MAGI1: variants seen among roughly 807,000 people sequenced by gnomAD.
MAGI1 encodes the protein membrane-associated guanylate kinase, WW and PDZ domain-containing protein 1.
A neutral mutation model predicts 139.9 loss-of-function variants in MAGI1; 58 were observed. The observed-to-expected ratio is 0.41, with a 90% CI of 0.34 to 0.52. The LOEUF (loss-of-function observed/expected upper bound fraction) is 0.52, where lower values mean the gene tolerates loss of function less well. MAGI1 is among the 20% of genes least tolerant of loss of function. The probability of loss-of-function intolerance (pLI) is 0.12; values close to 1 mark genes in which losing one functional copy is unlikely to be tolerated. For synonymous variants in MAGI1, 812 were observed against 737.9 expected (o/e 1.10, Z -1.63); for missense variants, 1,874 against 1,901.6 (o/e 0.99, Z 0.27).
chr3:65,610,777 C>G (rs1191034071), intron 2 of MAGI1, among the ~76,000 whole-genome samples: 3 of 68,980 alleles, frequency 4.3e-5, no homozygotes. Flanking sequence ...TATATATATA[C>G]TGTATATAGT....
intron 2 of MAGI1, among the ~76,000 whole-genome samples, chr3:65,533,313 C>T (rs773831136): frequency 7.2e-5 from 11 of 152,060 alleles, no homozygotes; most frequent in Non-Finnish European, 1.6e-4. Flanking sequence ...GGTCACTGAC[C>T]CCAGGGGCTT....
intron 1 of MAGI1, among the ~76,000 whole-genome samples, chr3:65,679,753 G>A (rs1436264341): frequency 6.6e-6 from 1 of 152,154 alleles, no homozygotes; most frequent in Non-Finnish European, 1.5e-5. Context: ...AACAGGGGTG[G>A]GGGGAAATGT....
At chr3:65,942,317 G>A (rs552864852) in intron 1 of MAGI1, among the ~76,000 whole-genome samples, 2 of 152,200 alleles carry the variant, frequency 1.3e-5, no homozygotes, top group African/African-American at 4.8e-5. Flanking sequence ...GAGAGTGATT[G>A]GCTTTCACAT....
chr3:65,842,041 T>A (rs1328644878), intron 1 of MAGI1, among the ~76,000 whole-genome samples: 2 of 152,212 alleles, frequency 1.3e-5, no homozygotes, highest in Admixed American at 1.3e-4. Context: ...AGCATTTTTC[T>A]CAGTCTACCT....
intron 1 of MAGI1, among the ~76,000 whole-genome samples, chr3:65,855,634 A>ACGGGGGAGGAGAG (rs376422485): frequency 1.1e-5 from 1 of 94,340 alleles, no homozygotes; most frequent in African/African-American, 4.5e-5. Context: ...AGGGGAGGGG[A>ACGGGGGAGGAGAG]AGGGAGAAAC....
intron 2 of MAGI1, among the ~76,000 whole-genome samples, chr3:65,520,514 GAGGTTACA>G: frequency 6.6e-6 from 1 of 152,268 alleles, no homozygotes; most frequent in Non-Finnish European, 1.5e-5. Context: ...GAGATATTGT[GAGGTTACA>G]AGGAGATAAT....
chr3:65,741,502 T>C (rs1016244010), intron 1 of MAGI1, among the ~76,000 whole-genome samples: 4 of 152,180 alleles, frequency 2.6e-5, no homozygotes, highest in African/African-American at 9.7e-5. Context: ...GCTACAACAT[T>C]TGATGAGCAC....
At chr3:65,648,731 A>C (rs967483181) in intron 1 of MAGI1, among the ~76,000 whole-genome samples, 1 of 152,324 alleles carries the variant, frequency 6.6e-6, no homozygotes, top group African/African-American at 2.4e-5. Context: ...ATTCATATGA[A>C]AGGCAAACAA....
chr3:65,425,129 A>C (rs1946933606), intron 12 of MAGI1, among the ~76,000 whole-genome samples: 1 of 40,086 alleles, frequency 2.5e-5, no homozygotes, highest in Non-Finnish European at 4.2e-5. Context: ...AAAAAAAAAA[A>C]AAACAAAAAA....
chr3:65,912,410 A>G (rs1190381444), intron 1 of MAGI1, among the ~76,000 whole-genome samples: 1 of 152,204 alleles, frequency 6.6e-6, no homozygotes, highest in Admixed American at 6.5e-5. Context: ...CTACAAAGGG[A>G]TAATTCACAC....
intron 1 of MAGI1, among the ~76,000 whole-genome samples, chr3:65,737,016 TTC>T (rs1016638644): frequency 6.6e-5 from 10 of 152,154 alleles, no homozygotes; most frequent in African/African-American, 2.2e-4. Context: ...TTTTTTTTTT[TTC>T]TTTTTGAGAC....
chr3:65,608,310 A>G (rs2082858945), intron 2 of MAGI1, among the ~76,000 whole-genome samples: 1 of 152,078 alleles, frequency 6.6e-6, no homozygotes, highest in South Asian at 2.1e-4. Flanking sequence ...GCATGGTGGC[A>G]GGTGCCTGTA....
intron 17 of MAGI1, among the ~76,000 whole-genome samples, chr3:65,376,236 T>G (rs1024754180): frequency 6.6e-6 from 1 of 152,194 alleles, no homozygotes; most frequent in Admixed American, 6.5e-5. Flanking sequence ...AAATTTGGGA[T>G]AGTTGGCAAC....
intron 2 of MAGI1, among the ~76,000 whole-genome samples, chr3:65,505,023 A>T (rs2077225522): frequency 6.6e-6 from 1 of 152,198 alleles, no homozygotes; most frequent in Non-Finnish European, 1.5e-5. Context: ...ATCAGAAATC[A>T]ACTTTTGAGG....
intron 1 of MAGI1, among the ~76,000 whole-genome samples, chr3:65,989,734 T>G (rs1478643226): frequency 6.6e-6 from 1 of 152,058 alleles, no homozygotes; most frequent in Admixed American, 6.5e-5. Context: ...GACAGGGTTT[T>G]GCCACATTGG....
At chr3:65,436,914 T>G (rs1947893950) in intron 10 of MAGI1, among the ~76,000 whole-genome samples, 1 of 152,180 alleles carries the variant, frequency 6.6e-6, no homozygotes, top group Non-Finnish European at 1.5e-5. Context: ...GTTTGAATGA[T>G]CATTTAACAA....
At chr3:65,544,011 C>A (rs972897561) in intron 2 of MAGI1, among the ~76,000 whole-genome samples, 1 of 151,886 alleles carries the variant, frequency 6.6e-6, no homozygotes, top group African/African-American at 2.4e-5. Flanking sequence ...TGACAAGATA[C>A]TCATATGACA....
intron 18 of MAGI1, among the ~76,000 whole-genome samples, chr3:65,374,668 G>A (rs1177937223): frequency 6.6e-6 from 1 of 152,114 alleles, no homozygotes; most frequent in African/African-American, 2.4e-5. Context: ...TTGGTATTTT[G>A]TGCTGGGTAA....
At chr3:65,560,547 T>G (rs1282132937) in intron 2 of MAGI1, among the ~76,000 whole-genome samples, 4 of 152,214 alleles carry the variant, frequency 2.6e-5, no homozygotes, top group African/African-American at 9.6e-5. Context: ...TAGTTCTAGA[T>G]TCTAAAGGAG....
Sources: allele counts gnomAD v4.1 joint callset (sites outside exome capture counted in the v4.1 genomes callset), GRCh38; gene constraint gnomAD v4.1.1; transcripts MANE v1.5; gene names NCBI Gene and HGNC (gene_info 2026-07-23, HGNC 2026-07-21).